The following ADAMTSL1 variants were observed in gnomAD, a reference collection of about 807,000 sequenced individuals.
ADAMTSL1 encodes ADAMTS-like protein 1.
Under a neutral mutation model 201.8 loss-of-function variants are expected in ADAMTSL1, and 126 were observed. The ratio of observed to expected loss-of-function variants is 0.62; its 90% CI spans 0.54 to 0.72. ADAMTSL1 has a LOEUF of 0.72. ADAMTSL1 is among the 30% of genes least tolerant of loss of function. The probability of loss-of-function intolerance (pLI) is 0.00; values close to 1 mark genes in which losing one functional copy is unlikely to be tolerated. For missense variants in ADAMTSL1, 2,679 were observed against 2,277.8 expected (o/e 1.18, Z -3.59); for synonymous variants, 1,121 against 903.4 (o/e 1.24, Z -4.32).
intron 23 of ADAMTSL1, among the ~76,000 whole-genome samples, chr9:18,851,806 T>C (rs555281875): frequency 2.0e-5 from 3 of 152,310 alleles, no homozygotes; most frequent in African/African-American, 7.2e-5. Flanking sequence ...TCAGTCAAAC[T>C]TTCCTAGAGG....
intron 1 of ADAMTSL1, among the ~76,000 whole-genome samples, chr9:18,085,684 C>G (rs1328071689): frequency 6.7e-6 from 1 of 148,212 alleles, no homozygotes; most frequent in Non-Finnish European, 1.5e-5. Flanking sequence ...TACATATACT[C>G]TGTGTGTGTG....
chr9:18,428,955 T>C (rs990210305), intron 2 of ADAMTSL1, among the ~76,000 whole-genome samples: 2 of 152,118 alleles, frequency 1.3e-5, no homozygotes, highest in Admixed American at 6.6e-5. Context: ...CTCCCTGGAG[T>C]CACCACTACA....
intron 2 of ADAMTSL1, among the ~76,000 whole-genome samples, chr9:18,377,059 T>C (rs1017047806): frequency 9.2e-5 from 14 of 152,226 alleles, no homozygotes; most frequent in African/African-American, 3.1e-4. Flanking sequence ...TAGAGCCTGA[T>C]AGAGTTTTCT....
chr9:18,312,102 A>G (rs1398862540), intron 2 of ADAMTSL1, among the ~76,000 whole-genome samples: 2 of 152,224 alleles, frequency 1.3e-5, no homozygotes, highest in Non-Finnish European at 2.9e-5. Flanking sequence ...TTAGTATAAA[A>G]TAGGGGAAGT....
At chr9:18,399,300 T>TAG (rs1817878299) in intron 2 of ADAMTSL1, among the ~76,000 whole-genome samples, 2 of 104,482 alleles carry the variant, frequency 1.9e-5, no homozygotes, top group African/African-American at 3.9e-5. Context: ...TATATATATA[T>TAG]ATATATATAT....
intron 2 of ADAMTSL1, among the ~76,000 whole-genome samples, chr9:18,306,557 A>G (rs1303372354): frequency 6.6e-6 from 1 of 152,198 alleles, no homozygotes; most frequent in South Asian, 2.1e-4. Context: ...CACAAGTATC[A>G]ATAGCTTAAT....
chr9:18,256,333 T>C (rs1587409049), intron 2 of ADAMTSL1, among the ~76,000 whole-genome samples: 1 of 152,178 alleles, frequency 6.6e-6, no homozygotes, highest in Non-Finnish European at 1.5e-5. Context: ...AATAGGTTGG[T>C]TGCAATAAGA....
At chr9:18,176,448 A>C (rs558941898) in intron 2 of ADAMTSL1, among the ~76,000 whole-genome samples, 1 of 152,200 alleles carries the variant, frequency 6.6e-6, no homozygotes, top group African/African-American at 2.4e-5. Flanking sequence ...GTTATTGACT[A>C]TCATGATAGT....
Position 17,940,812 on chromosome 9 carries a change from C to CCG in ADAMTSL1, c.87+33890_87+33891insCG, listed in dbSNP as rs1554667527. Among the ~76,000 whole-genome samples the CCG allele has an allele frequency of 3.4e-4, 7 of 20,290 alleles. 1 individual carries two copies. The highest frequency in any genetic ancestry group is 2.7e-3 in the South Asian group (1 of 376). 13.3% of individuals were successfully genotyped at this position (20,290 alleles called of 152,430 possible). ...ATAAAAGTAAATAACACCCCCCCCC[C>CCG]AAAAAAAAGAAAGAAATAACGACTC... On this transcript the variant is annotated intron_variant, in intron 1 of 29. Coordinates refer to the ADAMTSL1 transcript ENST00000680146.
At chr9:18,407,229 A>T (rs1818243816) in intron 2 of ADAMTSL1, among the ~76,000 whole-genome samples, 1 of 152,230 alleles carries the variant, frequency 6.6e-6, no homozygotes, top group African/African-American at 2.4e-5. Flanking sequence ...GAGAAGACAG[A>T]CATTTGAGCT....
chr9:17,914,165 A>T (rs1227023240), intron 1 of ADAMTSL1, among the ~76,000 whole-genome samples: 6 of 152,202 alleles, frequency 3.9e-5, no homozygotes, highest in Non-Finnish European at 8.8e-5. Context: ...TCCCTAACTC[A>T]TTTTATGAGG....
At chr9:18,598,057 A>T (rs187042365) in intron 4 of ADAMTSL1, among the ~76,000 whole-genome samples, 1 of 152,296 alleles carries the variant, frequency 6.6e-6, no homozygotes, top group East Asian at 1.9e-4. Context: ...AACACTTAAG[A>T]TTCTGAAAAA....
chr9:18,118,582 A>C (rs1006364085), intron 1 of ADAMTSL1, among the ~76,000 whole-genome samples: 1 of 152,124 alleles, frequency 6.6e-6, no homozygotes, highest in African/African-American at 2.4e-5. Context: ...GGGGAGAGGG[A>C]GAAGACTTTG....
chr9:18,780,478 T>C (rs553688002), intron 19 of ADAMTSL1, among the ~76,000 whole-genome samples: 1 of 152,236 alleles, frequency 6.6e-6, no homozygotes, highest in South Asian at 2.1e-4. Flanking sequence ...TAAACAGATG[T>C]ATGTACTGCT....
At chr9:18,675,724 G>A (rs1234724056) in intron 9 of ADAMTSL1, 133 bp from the exon 10 acceptor site, 3 of 779,424 alleles carry the variant, frequency 3.8e-6, no homozygotes, top group East Asian at 2.8e-5. Flanking sequence ...AACTGTTTTA[G>A]TGTTGTTTTA....
At chr9:18,683,925 G>T (rs1430929990) in intron 12 of ADAMTSL1, among the ~76,000 whole-genome samples, 1 of 152,100 alleles carries the variant, frequency 6.6e-6, no homozygotes, top group African/African-American at 2.4e-5. Flanking sequence ...TTATAAAATG[G>T]TGATAGAGCA....
At chr9:18,528,280 A>T (rs1354914174) in intron 2 of ADAMTSL1, among the ~76,000 whole-genome samples, 1 of 152,120 alleles carries the variant, frequency 6.6e-6, no homozygotes, top group Non-Finnish European at 1.5e-5. Flanking sequence ...AGTTTGCTGC[A>T]CAGATCAACC....
At chr9:18,774,817 C>A (rs1289400594) in intron 17 of ADAMTSL1, among the ~76,000 whole-genome samples, 1 of 152,038 alleles carries the variant, frequency 6.6e-6, no homozygotes, top group Admixed American at 6.5e-5. Context: ...TCACTTTTGG[C>A]AATTATGAAT....
chr9:18,850,576 C>T (rs978304006), intron 23 of ADAMTSL1, among the ~76,000 whole-genome samples: 2 of 152,178 alleles, frequency 1.3e-5, no homozygotes, highest in Non-Finnish European at 1.5e-5. Flanking sequence ...GGACAGGGCA[C>T]CTCAGTCAGA....
Sources: allele counts gnomAD v4.1 joint callset (sites outside exome capture counted in the v4.1 genomes callset), GRCh38; gene constraint gnomAD v4.1.1; transcripts MANE v1.5; gene names NCBI Gene and HGNC (gene_info 2026-07-23, HGNC 2026-07-21).